The following ATF6 variants were observed in gnomAD, a reference collection of about 807,000 sequenced individuals.
ATF6 encodes activating transcription factor 6.
Under a neutral mutation model 83.6 loss-of-function variants are expected in ATF6, and 53 were observed. That is an observed-to-expected ratio of 0.63 (90% CI 0.51 to 0.80). The LOEUF (loss-of-function observed/expected upper bound fraction) is 0.80. Among genes scored for constraint, ATF6 ranks in the 30% least tolerant of loss-of-function variants. The pLI is 0.00. For missense variants in ATF6, 744 were observed against 797.9 expected (o/e 0.93, Z 0.81); for synonymous variants, 288 against 285.8 (o/e 1.01, Z -0.08).
At chr1:161,946,795 T>C (rs1195508516) in intron 15 of ATF6, among the ~76,000 whole-genome samples, 2 of 152,262 alleles carry the variant, frequency 1.3e-5, no homozygotes, top group African/African-American at 4.8e-5. Flanking sequence ...TTTGTGATTT[T>C]AGTTTCTAAA....
chr1:161,771,869 T>C (rs1160204893), intron 1 of ATF6, among the ~76,000 whole-genome samples: 1 of 152,220 alleles, frequency 6.6e-6, no homozygotes, highest in Admixed American at 6.5e-5. Flanking sequence ...GATTTCAGTA[T>C]CCTTAGAGAA....
At chr1:161,900,738 A>G (rs904820182) in intron 14 of ATF6, among the ~76,000 whole-genome samples, 3 of 152,144 alleles carry the variant, frequency 2.0e-5, no homozygotes, top group East Asian at 1.9e-4. Flanking sequence ...CATGACATAC[A>G]TTTATGCATT....
intron 15 of ATF6, among the ~76,000 whole-genome samples, chr1:161,950,210 C>G (rs566007780): frequency 2.2e-4 from 34 of 152,312 alleles, no homozygotes; most frequent in African/African-American, 7.2e-4. Context: ...TATCATTCCT[C>G]TTATCCTTTA....
rs1689137440 is a variant in ATF6 at position 161,963,231 on chromosome 1, T to C, written c.*4577T>C. The C allele has an allele frequency of 6.6e-6, 1 of 152,184 alleles. No homozygotes were observed. Among genetic ancestry groups the C allele is most frequent in the Non-Finnish European group, 1.5e-5 (1 of 68,032 alleles). 9.4% of individuals were successfully genotyped at this position (152,184 alleles called of 1,614,324 possible). A position where few individuals can be genotyped will look rare whatever the true frequency, so the allele number is the denominator to read the frequency against. ...TTTTTAATGACTAAGCTTTAAACAGTTTATTTTGGGTAAGACTAGAACTTT... is the reference window on the plus strand; with the variant it reads ...TTTTTAATGACTAAGCTTTAAACAGCTTATTTTGGGTAAGACTAGAACTTT... On this transcript the variant is annotated 3_prime_UTR_variant, in exon 16 of 16. Coordinates refer to ENST00000367942, the MANE Select transcript of ATF6 (RefSeq NM_007348.4).
chr1:161,812,845 G>A (rs1321124417), intron 7 of ATF6, among the ~76,000 whole-genome samples: 1 of 150,978 alleles, frequency 6.6e-6, no homozygotes, highest in Non-Finnish European at 1.5e-5. Context: ...AGCCATATTT[G>A]TATGGTACAT....
At chr1:161,898,171 G>T (rs1191670244) in intron 14 of ATF6, among the ~76,000 whole-genome samples, 1 of 152,286 alleles carries the variant, frequency 6.6e-6, no homozygotes, top group African/African-American at 2.4e-5. Context: ...GTGCAACTTG[G>T]TCTTGGAACT....
At chr1:161,831,275 C>T (rs1453145388) in intron 9 of ATF6, among the ~76,000 whole-genome samples, 2 of 152,186 alleles carry the variant, frequency 1.3e-5, no homozygotes, top group Non-Finnish European at 2.9e-5. Flanking sequence ...AAATGGCAGT[C>T]ATTACAAAGT....
intron 14 of ATF6, among the ~76,000 whole-genome samples, chr1:161,876,865 C>T (rs987598240): frequency 6.6e-6 from 1 of 151,894 alleles, no homozygotes; most frequent in Non-Finnish European, 1.5e-5. Flanking sequence ...TTCTAATCTC[C>T]TGTCTTTTAA....
In ATF6 at chr1:161,851,741, A is replaced by C; in HGVS notation, c.1339A>C (p.Asn447His). The stretch of plus-strand genomic sequence containing the variant: ...TTTCAGATATGATCATTCTGTTTCA[A>C]ATGACAAAGCCCTGATGGTGCTAAC... ...NSYRYDHSVS[N>H]DKALMVLTEE... The change falls in exon 11 of 16, where the codon AAT becomes CAT. Residue 447 changes from asparagine (N) to histidine (H), a missense_variant. Asn to His is a moderately conservative substitution (Grantham distance 68). Coordinates refer to ENST00000367942, the MANE Select transcript of ATF6 (RefSeq NM_007348.4). 1.2e-6 allele frequency: 2 copies of C among 1,613,554 alleles called. No individual in the cohort carries two copies. The highest frequency in any genetic ancestry group is 1.7e-6 in the Non-Finnish European group (2 of 1,179,646).
intron 14 of ATF6, among the ~76,000 whole-genome samples, chr1:161,887,414 A>G (rs947542882): frequency 6.6e-6 from 1 of 152,146 alleles, no homozygotes; most frequent in Non-Finnish European, 1.5e-5. Flanking sequence ...CCAAGTGTTC[A>G]TAAGCGGTAA....
intron 14 of ATF6, among the ~76,000 whole-genome samples, chr1:161,874,431 C>T (rs946727097): frequency 6.6e-6 from 1 of 151,614 alleles, no homozygotes; most frequent in Non-Finnish European, 1.5e-5. Flanking sequence ...GGAGTCATCT[C>T]TGTCTGATTA....
At chr1:161,940,091 A>G (rs748312839) in intron 15 of ATF6, among the ~76,000 whole-genome samples, 28 of 152,062 alleles carry the variant, frequency 1.8e-4, no homozygotes, top group Non-Finnish European at 3.2e-4. Context: ...TTTCTCCCCA[A>G]ACTCCTACCC....
chr1:161,845,934 T>C (rs911024002), intron 9 of ATF6, among the ~76,000 whole-genome samples: 2 of 152,112 alleles, frequency 1.3e-5, no homozygotes, highest in Non-Finnish European at 2.9e-5. Flanking sequence ...TACATATAAA[T>C]ACAAATAGAA....
intron 1 of ATF6, among the ~76,000 whole-genome samples, chr1:161,776,073 G>A (rs1263566616): frequency 3.3e-5 from 5 of 151,898 alleles, no homozygotes; most frequent in African/African-American, 4.8e-5. Context: ...TTAGTCTCCC[G>A]ACTCTTTCCA....
At chr1:161,914,556 A>G (rs1688052681) in intron 15 of ATF6, among the ~76,000 whole-genome samples, 1 of 152,076 alleles carries the variant, frequency 6.6e-6, no homozygotes, top group South Asian at 2.1e-4. Flanking sequence ...TCCCATCCAT[A>G]TGGTCATAAT....
intron 10 of ATF6, among the ~76,000 whole-genome samples, chr1:161,851,227 A>C (rs1245476611): frequency 1.3e-4 from 9 of 67,172 alleles, no homozygotes; most frequent in South Asian, 1.1e-3. Flanking sequence ...GTCTCACCCT[A>C]TCCTTAACAC....
At position 161,930,979 on chromosome 1, in the gene ATF6, G is replaced by A. The variant is rs556972146; in HGVS notation, c.1804+18599G>A. 2.9e-3 allele frequency among the ~76,000 whole-genome samples: 432 copies of A among 151,520 alleles called. 1 individual carries two copies. The highest frequency in any genetic ancestry group is 0.01 in the African/African-American group (425 of 41,252). ...GTGGTCTTGGCTCACTGCAACCTTC[G>A]CCTCCCAGGTTCAGTCTCTCCTGAG... On this transcript the variant is annotated intron_variant, in intron 15 of 15. Coordinates refer to ENST00000367942, the MANE Select transcript of ATF6 (RefSeq NM_007348.4).
intron 14 of ATF6, among the ~76,000 whole-genome samples, chr1:161,874,044 A>G (rs1467585854): frequency 6.6e-6 from 1 of 151,714 alleles, no homozygotes; most frequent in African/African-American, 2.4e-5. Flanking sequence ...AAGTCTAGAA[A>G]TCAGTCTTTG....
At chr1:161,904,385 C>T (rs1273918989) in intron 14 of ATF6, among the ~76,000 whole-genome samples, 5 of 151,964 alleles carry the variant, frequency 3.3e-5, no homozygotes, top group African/African-American at 1.2e-4. Flanking sequence ...GTCAGGAGTT[C>T]GAGACCAGCC....
Sources: gnomAD v4.1 joint callset for allele counts (sites outside exome capture counted in the v4.1 genomes callset) on GRCh38, gnomAD v4.1.1 for gene constraint, MANE v1.5 for transcripts, NCBI Gene and HGNC (gene_info 2026-07-23, HGNC 2026-07-21) for gene names.